DUSP7: variants seen among roughly 807,000 people sequenced by gnomAD.
DUSP7 encodes dual specificity protein phosphatase 7.
DUSP7 carries 7 observed loss-of-function variants against 29.8 expected under a neutral mutation model. That is an observed-to-expected ratio of 0.24 (90% CI 0.13 to 0.44). The LOEUF (loss-of-function observed/expected upper bound fraction) is 0.44. Ranked by LOEUF, DUSP7 falls within the 20% of genes least tolerant of loss-of-function variation. DUSP7 has a pLI of 1.00. For synonymous variants in DUSP7, 287 were observed against 275.4 expected, an observed-to-expected ratio of 1.04 and a Z score of -0.42; for missense variants, 400 against 583.7, an observed-to-expected ratio of 0.69 and a Z score of 3.24.
Position 52,056,417 on chromosome 3 carries a change from GGCGCCCCGGCCGCGC to G in DUSP7, c.-66_-52del. 1 of 947,424 alleles carries G rather than the reference GGCGCCCCGGCCGCGC, an allele frequency of 1.1e-6. No individual in the cohort carries two copies. The highest frequency in any genetic ancestry group is 1.3e-6 in the Non-Finnish European group (1 of 795,592). 58.7% of individuals were successfully genotyped at this position (947,424 alleles called of 1,614,324 possible). A position where few individuals can be genotyped will look rare whatever the true frequency, so the allele number is the denominator to read the frequency against. ...GGGCCGGGCAGCCCTGCCCTGGGAC[GGCGCCCCGGCCGCGC>G]GGGCCCCAGCCGCGTCTCCGGGCGC... On this transcript the variant is annotated 5_prime_UTR_variant, in exon 1 of 3. Transcript: ENST00000495880. This position sits in a 1 kb window ranked among gnomAD's most constrained non-coding sequence, Gnocchi z 6.4.
At position 52,051,249 on chromosome 3, in the gene DUSP7, A is replaced by G; in HGVS notation, c.953-127T>C. ...GCTGGTCTTGCCCGACCCCTGAGGG[A>G]CCTGGCCAAGCCCAGTGTGGGTAGG... On this transcript the variant is annotated intron_variant, in intron 2 of 2. Transcript: ENST00000495880. The surrounding 1 kb of genome is among the most constrained non-coding windows in gnomAD (Gnocchi z 4.8). The G allele has an allele frequency of 9.0e-7, 1 of 1,111,052 alleles. No individual in the cohort carries two copies. Among genetic ancestry groups the G allele is most frequent in the Non-Finnish European group, 1.3e-6 (1 of 795,170 alleles). The allele number at this position is 1,111,052 out of a possible 1,614,324, so 68.8% of individuals were successfully genotyped here.
intron 1 of DUSP7, 41 bp downstream of exon 1, chr3:52,055,809 G>T: frequency 6.7e-7 from 1 of 1,485,240 alleles, no homozygotes; most frequent in South Asian, 1.4e-5. Flanking sequence ...GGAGTCGCGG[G>T]GGGGCCCCGA....
chr3:52,055,853 G>C lies in DUSP7; in HGVS notation c.514C>G (p.Gln172Glu), dbSNP rs569327849. The change falls in exon 1 of 3, where the codon CAA (glutamine) becomes GAA (glutamate). Residue 172 changes from glutamine (Q) to glutamate (E), a missense_variant. Coordinates refer to ENST00000495880, the MANE Select transcript of DUSP7 (RefSeq NM_001947.4). ...GGCGTCTCGGTGCCGCCCTCACCTT[G>C]GAGGTAGTAGGCCTGGCAGCCGTCG... The part of the protein sequence containing the change: ...RDDGCQAYYL[Q>E]GGFNKFQTEY... 1.5e-5 allele frequency: 23 copies of C among 1,557,788 alleles called. No homozygotes were observed. The highest frequency in any genetic ancestry group is 3.6e-4 in the Middle Eastern group (2 of 5,630).
At position 52,050,830 on chromosome 3, in the gene DUSP7, C is replaced by T. The variant is rs370707851; in HGVS notation, c.1245G>A (p.Thr415=). ...PTNHNLFPLN[T]LEST is the part of the protein sequence containing the mutation. Reference sequence around the variant, plus strand: ...GCACCAGGCCTCACGTGGACTCCAGCGTATTGAGTGGGAACAGGTTGTGGT... The same window carrying T: ...GCACCAGGCCTCACGTGGACTCCAGTGTATTGAGTGGGAACAGGTTGTGGT... The change falls in exon 3 of 3, where the codon ACG becomes ACA. Residue 415 remains threonine (T), a synonymous_variant. Coordinates refer to ENST00000495880, the MANE Select transcript of DUSP7 (RefSeq NM_001947.4). The surrounding 1 kb of genome is among the most constrained non-coding windows in gnomAD (Gnocchi z 5.0). The T allele has an allele frequency of 1.3e-5, 21 of 1,611,908 alleles. No individual in the cohort carries two copies. The East Asian group carries it at 2.5e-4, about 19-fold the overall frequency.
chr3:52,056,515 T>TCCCGCCCGCCCGCCCGCCCG lies in DUSP7; in HGVS notation c.-150_-149insCGGGCGGGCGGGCGGGCGGG, dbSNP rs541808196. 4.3e-6 allele frequency: 1 copy of TCCCGCCCGCCCGCCCGCCCG among 230,002 alleles called. No individual in the cohort carries two copies. The highest frequency in any genetic ancestry group is 6.8e-5 in the Admixed American group (1 of 14,798). 14.2% of individuals were successfully genotyped at this position (230,002 alleles called of 1,614,324 possible). On this transcript the variant is annotated 5_prime_UTR_variant, in exon 1 of 3. Coordinates refer to ENST00000495880, the MANE Select transcript of DUSP7 (RefSeq NM_001947.4). This position sits in a 1 kb window ranked among gnomAD's most constrained non-coding sequence, Gnocchi z 6.4. The stretch of plus-strand genomic sequence containing the variant: ...CGGCCTCCCGGCCTCCCGGCCTCCG[T>TCCCGCCCGCCCGCCCGCCCG]CCCGCCCGCCCGCCCGGCCCTCCGC...
rs766147762 is a variant in DUSP7 at position 52,050,712 on chromosome 3, T to A, written c.*103A>T. ...CCTGGGCCTCTGGGCACAGGTGACA[T>A]CTGGGGGTTCCTCAGGCCAGAGGTG... On this transcript the variant is annotated 3_prime_UTR_variant, in exon 3 of 3. Transcript: ENST00000495880. This position sits in a 1 kb window ranked among gnomAD's most constrained non-coding sequence, Gnocchi z 5.0. 72 of 1,314,280 alleles carry A rather than the reference T, an allele frequency of 5.5e-5. No homozygotes were observed. The highest frequency in any genetic ancestry group is 7.4e-5 in the Non-Finnish European group (71 of 965,890). The allele number at this position is 1,314,280 out of a possible 1,614,324, so 81.4% of individuals were successfully genotyped here. A position where few individuals can be genotyped will look rare whatever the true frequency, so the allele number is the denominator to read the frequency against.
At position 52,054,225 on chromosome 3, in the gene DUSP7, G is replaced by A. The variant is rs765442575; in HGVS notation, c.667C>T (p.Arg223Ter). 1.2e-6 allele frequency: 2 copies of A among 1,610,764 alleles called. No homozygotes were observed. The highest frequency in any genetic ancestry group is 1.7e-6 in the Non-Finnish European group (2 of 1,177,666). The part of the protein sequence containing the change: ...SSDCSDGESD[R>*]ELPSSATESD... ...TCGGTGGCACTGCTGGGCAGCTCTCGGTCCGACTCGCCGTCGGAGCAGTCA... is the reference window on the plus strand; with the variant it reads ...TCGGTGGCACTGCTGGGCAGCTCTCAGTCCGACTCGCCGTCGGAGCAGTCA... The change falls in exon 2 of 3, where the codon CGA (arginine) becomes TGA (stop). Residue 223 changes from arginine (R) to a stop codon, truncating the protein, a stop_gained. Transcript: ENST00000495880. LOFTEE classifies it high-confidence loss of function. The surrounding 1 kb of genome is among the most constrained non-coding windows in gnomAD (Gnocchi z 4.1).
rs761547983 is a variant in DUSP7, at chr3:52,054,042, C to T, written c.850G>A (p.Ala284Thr). 3.1e-6 allele frequency: 5 copies of T among 1,614,074 alleles called. No individual in the cohort carries two copies. The highest frequency in any genetic ancestry group is 2.2e-5 in the East Asian group (1 of 44,898). The change falls in exon 2 of 3, where the codon GCC becomes ACC. Residue 284 changes from alanine to threonine, a missense_variant. This residue lies in a region of DUSP7 where 223 missense variants were observed against 360.9 expected (regional missense o/e 0.62). Transcript: ENST00000495880. The surrounding 1 kb of genome is among the most constrained non-coding windows in gnomAD (Gnocchi z 4.1). ...GTGAACTCGCCGCCGTGCTCGAAGGCGTTGGGTAGGTTGGGTGTGACATTG... is the reference window on the plus strand; with the variant it reads ...GTGAACTCGCCGCCGTGCTCGAAGGTGTTGGGTAGGTTGGGTGTGACATTG... ...ILNVTPNLPN[A>T]FEHGGEFTYK...
In DUSP7 at chr3:52,050,087, G is replaced by A. The variant is rs536698363; in HGVS notation, c.*728C>T. Reference sequence around the variant, plus strand: ...GCAGAGCTAAGTCAGACTGGGCCAAGGGTGGGAGGCGGCACGACTGGGGGT... The same window carrying A: ...GCAGAGCTAAGTCAGACTGGGCCAAAGGTGGGAGGCGGCACGACTGGGGGT... On this transcript the variant is annotated 3_prime_UTR_variant, in exon 3 of 3. Transcript: ENST00000495880. The surrounding 1 kb of genome is among the most constrained non-coding windows in gnomAD (Gnocchi z 5.0). 2.0e-5 allele frequency: 3 copies of A among 152,396 alleles called. No homozygotes were observed. The highest frequency in any genetic ancestry group is 1.9e-4 in the East Asian group (1 of 5,182). 9.4% of individuals were successfully genotyped at this position (152,396 alleles called of 1,614,324 possible).
In DUSP7 at chr3:52,053,821, C is replaced by G. The variant is rs189964419; in HGVS notation, c.952+119G>C. The G allele has an allele frequency of 2.0e-5, 23 of 1,142,998 alleles. No individual in the cohort carries two copies. The highest frequency in any genetic ancestry group is 4.1e-5 in the Admixed American group (2 of 49,336). The allele number at this position is 1,142,998 out of a possible 1,614,324, so 70.8% of individuals were successfully genotyped here. On this transcript the variant is annotated intron_variant, in intron 2 of 2. Coordinates refer to ENST00000495880, the MANE Select transcript of DUSP7 (RefSeq NM_001947.4). This position sits in a 1 kb window ranked among gnomAD's most constrained non-coding sequence, Gnocchi z 4.6. ...ACACCCACGGGCACACGCTGGCACA[C>G]GTAGGGCACACACAGGTCTCAACAG...
Position 52,056,519 on chromosome 3 carries a change from G to C in DUSP7, c.-153C>G, listed in dbSNP as rs1365699756. ...CTCCCGGCCTCCCGGCCTCCGTCCCGCCCGCCCGCCCGGCCCTCCGCGCGC... is the reference window on the plus strand; with the variant it reads ...CTCCCGGCCTCCCGGCCTCCGTCCCCCCCGCCCGCCCGGCCCTCCGCGCGC... On this transcript the variant is annotated 5_prime_UTR_variant, in exon 1 of 3. Coordinates refer to ENST00000495880, the MANE Select transcript of DUSP7 (RefSeq NM_001947.4). The surrounding 1 kb of genome is among the most constrained non-coding windows in gnomAD (Gnocchi z 6.4). The C allele has an allele frequency of 4.9e-6, 1 of 202,638 alleles. No homozygotes were observed. Among genetic ancestry groups the C allele is most frequent in the Non-Finnish European group, 8.5e-6 (1 of 117,750 alleles). The allele number at this position is 202,638 out of a possible 1,614,324, so 12.6% of individuals were successfully genotyped here.
In DUSP7 at chr3:52,051,236, C is replaced by T. The variant is rs1304330176; in HGVS notation, c.953-114G>A. Reference sequence around the variant, plus strand: ...AGCATGGTGGCTGGCTGGTCTTGCCCGACCCCTGAGGGACCTGGCCAAGCC... The same window carrying T: ...AGCATGGTGGCTGGCTGGTCTTGCCTGACCCCTGAGGGACCTGGCCAAGCC... On this transcript the variant is annotated intron_variant, in intron 2 of 2. Transcript: ENST00000495880. This position sits in a 1 kb window ranked among gnomAD's most constrained non-coding sequence, Gnocchi z 4.8. 3 of 1,287,636 alleles carry T rather than the reference C, an allele frequency of 2.3e-6. No homozygotes were observed. The highest frequency in any genetic ancestry group is 1.5e-5 in the African/African-American group (1 of 67,330). The allele number at this position is 1,287,636 out of a possible 1,614,324, so 79.8% of individuals were successfully genotyped here. A position where few individuals can be genotyped will look rare whatever the true frequency, so the allele number is the denominator to read the frequency against.
rs1044817195 is a variant in DUSP7, at chr3:52,053,916, C to T, written c.952+24G>A. On this transcript the variant is annotated intron_variant, in intron 2 of 2. Coordinates refer to ENST00000495880, the MANE Select transcript of DUSP7 (RefSeq NM_001947.4). The surrounding 1 kb of genome is among the most constrained non-coding windows in gnomAD (Gnocchi z 4.6). Reference sequence around the variant, plus strand: ...CATACACCTTGATGCACCCACACCCCCCTGCCCAGCACACAGCACCTACCA... The same window carrying T: ...CATACACCTTGATGCACCCACACCCTCCTGCCCAGCACACAGCACCTACCA... 8.1e-6 allele frequency: 13 copies of T among 1,613,972 alleles called. No homozygotes were observed. The highest frequency in any genetic ancestry group is 1.6e-4 in the Middle Eastern group (1 of 6,062).
rs1419310979 is a variant in DUSP7, at chr3:52,051,713, G to C, written c.953-591C>G. The C allele has an allele frequency of 1.3e-5, 2 of 152,636 alleles. No homozygotes were observed. Among genetic ancestry groups the C allele is most frequent in the African/African-American group, 2.4e-5 (1 of 41,458 alleles). 9.5% of individuals were successfully genotyped at this position (152,636 alleles called of 1,614,324 possible). ...AGCCGCTCCCATGGGTTGTCCCTGA[G>C]AGTCTTCTAGGAAAGTGGCCTGAGG... On this transcript the variant is annotated intron_variant, in intron 2 of 2. Coordinates refer to ENST00000495880, the MANE Select transcript of DUSP7 (RefSeq NM_001947.4). The surrounding 1 kb of genome is among the most constrained non-coding windows in gnomAD (Gnocchi z 4.8).
At position 52,056,487 on chromosome 3, in the gene DUSP7, C is replaced by CCCCGGCCTCCCGGCCT. The variant is rs534175599; in HGVS notation, c.-137_-122dup. 31 of 411,862 alleles carry CCCCGGCCTCCCGGCCT rather than the reference C, an allele frequency of 7.5e-5. No homozygotes were observed. The highest frequency in any genetic ancestry group is 7.3e-4 in the Admixed American group (11 of 15,070). 25.5% of individuals were successfully genotyped at this position (411,862 alleles called of 1,614,324 possible). On this transcript the variant is annotated 5_prime_UTR_variant, in exon 1 of 3. Transcript: ENST00000495880. The surrounding 1 kb of genome is among the most constrained non-coding windows in gnomAD (Gnocchi z 6.4). Reference sequence around the variant, plus strand: ...CTCCCGCCGAGCTGCGCGCCCGCCGCCCCGGCCTCCCGGCCTCCCGGCCTC... The same window carrying CCCCGGCCTCCCGGCCT: ...CTCCCGCCGAGCTGCGCGCCCGCCGCCCCGGCCTCCCGGCCTCCCGGCCTCCCGGCCTCCCGGCCTC...
intron 1 of DUSP7, among the ~76,000 whole-genome samples, chr3:52,055,030 C>G (rs567384784): frequency 1.1e-4 from 17 of 152,324 alleles, no homozygotes; most frequent in African/African-American, 4.1e-4. Flanking sequence ...ACAAGCCCCA[C>G]CCCCAGCCTT....
rs1701871117 is a variant in DUSP7, at chr3:52,053,918, CT to C, written c.952+21del. On this transcript the variant is annotated intron_variant, in intron 2 of 2. Transcript: ENST00000495880. The surrounding 1 kb of genome is among the most constrained non-coding windows in gnomAD (Gnocchi z 4.6). ...TACACCTTGATGCACCCACACCCCC[CT>C]GCCCAGCACACAGCACCTACCAATG... 1 of 1,614,044 alleles carries C rather than the reference CT, an allele frequency of 6.2e-7. No individual in the cohort carries two copies.
Position 52,053,784 on chromosome 3 carries a change from G to A in DUSP7, c.952+156C>T. 2.5e-6 allele frequency: 2 copies of A among 786,882 alleles called. No individual in the cohort carries two copies. The highest frequency in any genetic ancestry group is 1.7e-5 in the South Asian group (1 of 58,536). 48.7% of individuals were successfully genotyped at this position (786,882 alleles called of 1,614,324 possible). ...GGCCCAAGGGACTCGGTGACTCACA[G>A]TAGGCCTGGGTACACCCACGGGCAC... On this transcript the variant is annotated intron_variant, in intron 2 of 2. Coordinates refer to ENST00000495880, the MANE Select transcript of DUSP7 (RefSeq NM_001947.4). This position sits in a 1 kb window ranked among gnomAD's most constrained non-coding sequence, Gnocchi z 4.6.
chr3:52,056,412 G>A lies in DUSP7; in HGVS notation c.-46C>T, dbSNP rs1701901627. 3 of 973,256 alleles carry A rather than the reference G, an allele frequency of 3.1e-6. No individual in the cohort carries two copies. Among genetic ancestry groups the A allele is most frequent in the African/African-American group, 1.8e-5 (1 of 56,440 alleles). 60.3% of individuals were successfully genotyped at this position (973,256 alleles called of 1,614,324 possible). A position where few individuals can be genotyped will look rare whatever the true frequency, so the allele number is the denominator to read the frequency against. Reference sequence around the variant, plus strand: ...GGCCGGGGCCGGGCAGCCCTGCCCTGGGACGGCGCCCCGGCCGCGCGGGCC... The same window carrying A: ...GGCCGGGGCCGGGCAGCCCTGCCCTAGGACGGCGCCCCGGCCGCGCGGGCC... On this transcript the variant is annotated 5_prime_UTR_variant, in exon 1 of 3. Transcript: ENST00000495880. This position sits in a 1 kb window ranked among gnomAD's most constrained non-coding sequence, Gnocchi z 6.4.
Sources: allele counts gnomAD v4.1 joint callset (sites outside exome capture counted in the v4.1 genomes callset), GRCh38; gene constraint gnomAD v4.1.1; regional missense constraint gnomAD v4.1.1; non-coding constraint Gnocchi (gnomAD v3.1); transcripts MANE v1.5; gene names NCBI Gene and HGNC (gene_info 2026-07-23, HGNC 2026-07-21).